Variants in GALNT18 observed in about 807,000 individuals in gnomAD.
The protein encoded by GALNT18 is polypeptide N-acetylgalactosaminyltransferase 18.
In GALNT18, 44 loss-of-function variants were observed where a neutral mutation model predicts 69.5. The observed-to-expected ratio is 0.63, with a 90% CI of 0.50 to 0.81. The LOEUF is 0.81. Among genes scored for constraint, GALNT18 ranks in the 40% least tolerant of loss-of-function variants. The probability of loss-of-function intolerance (pLI) is 0.00; values close to 1 mark genes in which losing one functional copy is unlikely to be tolerated. For missense variants in GALNT18, 715 were observed against 810.0 expected, an observed-to-expected ratio of 0.88 and a Z score of 1.42; for synonymous variants, 364 against 318.2, an observed-to-expected ratio of 1.14 and a Z score of -1.53.
chr11:11,315,937 C>G lies in GALNT18; in HGVS notation c.1512+11149G>C, dbSNP rs1431297757. 6.6e-6 allele frequency among the ~76,000 whole-genome samples: 1 copy of G among 152,002 alleles called. No individual in the cohort carries two copies. The highest frequency in any genetic ancestry group is 2.0e-4 in the East Asian group (1 of 5,116). Reference sequence around the variant, plus strand: ...GCTGAGGGTGGCTGCCGAGAGTGAGCCTCACAGGGCCAGTCCCCGCATCAC... The same window carrying G: ...GCTGAGGGTGGCTGCCGAGAGTGAGGCTCACAGGGCCAGTCCCCGCATCAC... On this transcript the variant is annotated intron_variant, in intron 9 of 10. Transcript: ENST00000227756. This position sits in a 1 kb window ranked among gnomAD's most constrained non-coding sequence, Gnocchi z 5.6.
In GALNT18 at chr11:11,314,192, A is replaced by T. The variant is rs1173442344; in HGVS notation, c.1512+12894T>A. Among the ~76,000 whole-genome samples, 3 of 152,110 alleles carry T rather than the reference A, an allele frequency of 2.0e-5. No homozygotes were observed. The highest frequency in any genetic ancestry group is 7.2e-5 in the African/African-American group (3 of 41,420). On this transcript the variant is annotated intron_variant, in intron 9 of 10. Transcript: ENST00000227756. This position sits in a 1 kb window ranked among gnomAD's most constrained non-coding sequence, Gnocchi z 5.2. ...CAAAGAACGGTGGGTGGAGGGCAAG[A>T]GACTCAGCCCCTCTCTGGTTAGTGA...
At chr11:11,607,918 A>C (rs1451309819) in intron 1 of GALNT18, among the ~76,000 whole-genome samples, 1 of 152,240 alleles carries the variant, frequency 6.6e-6, no homozygotes, top group Non-Finnish European at 1.5e-5. Flanking sequence ...TGCAATGCCA[A>C]GTTTCTACAA....
intron 6 of GALNT18, among the ~76,000 whole-genome samples, chr11:11,346,117 C>T (rs1410475736): frequency 6.6e-6 from 1 of 152,214 alleles, no homozygotes; most frequent in Non-Finnish European, 1.5e-5. Context: ...TAAATTAGAT[C>T]CCCTCTGAAT....
At chr11:11,283,064 G>A (rs564812282) in intron 10 of GALNT18, among the ~76,000 whole-genome samples, 245 of 152,252 alleles carry the variant, frequency 1.6e-3, no homozygotes, top group African/African-American at 5.1e-3. Context: ...TGGCGGAGTC[G>A]TGGGCCCTGA....
chr11:11,466,866 C>G (rs1856165750), intron 1 of GALNT18, among the ~76,000 whole-genome samples: 1 of 152,182 alleles, frequency 6.6e-6, no homozygotes, highest in Non-Finnish European at 1.5e-5. Flanking sequence ...GCTCTTCAAA[C>G]TGCTTCCAAA....
Position 11,377,388 on chromosome 11 carries a change from A to G in GALNT18, c.780-9T>C. ...TGAGTACAGGTTCAGCCCTGGGCAG[A>G]GAGGAGACAGCCAGAGAGGGTAACC... On this transcript the variant is annotated splice_polypyrimidine_tract_variant and intron_variant, in intron 4 of 10. Transcript: ENST00000227756. This position sits in a 1 kb window ranked among gnomAD's most constrained non-coding sequence, Gnocchi z 4.6. 6.2e-7 allele frequency: 1 copy of G among 1,613,292 alleles called. No individual in the cohort carries two copies. Among genetic ancestry groups the G allele is most frequent in the Non-Finnish European group, 8.5e-7 (1 of 1,179,812 alleles).
At chr11:11,293,418 AG>A (rs1849340340) in intron 9 of GALNT18, among the ~76,000 whole-genome samples, 1 of 152,212 alleles carries the variant, frequency 6.6e-6, no homozygotes, top group African/African-American at 2.4e-5. Flanking sequence ...TATAACTACA[AG>A]AAATAAAACA....
intron 2 of GALNT18, among the ~76,000 whole-genome samples, chr11:11,438,547 T>G (rs147912485): frequency 4.2e-4 from 64 of 152,338 alleles, no homozygotes; most frequent in African/African-American, 1.4e-3. Context: ...ATCCCCCATT[T>G]AACAGTTGAG....
At chr11:11,579,697 C>G (rs948654754) in intron 1 of GALNT18, among the ~76,000 whole-genome samples, 2 of 152,230 alleles carry the variant, frequency 1.3e-5, no homozygotes, top group Admixed American at 6.5e-5. Context: ...GATAACCTGT[C>G]TCTTTCTGAA....
intron 1 of GALNT18, among the ~76,000 whole-genome samples, chr11:11,499,452 C>T (rs1856930615): frequency 6.6e-6 from 1 of 151,940 alleles, no homozygotes; most frequent in South Asian, 2.1e-4. Context: ...CACCTGTGGG[C>T]TCAAGACTCC....
chr11:11,339,910 C>T lies in GALNT18; in HGVS notation c.1278+909G>A, dbSNP rs577868808. Among the ~76,000 whole-genome samples the T allele has an allele frequency of 3.9e-5, 6 of 152,114 alleles. No individual in the cohort carries two copies. The highest frequency in any genetic ancestry group is 9.7e-5 in the African/African-American group (4 of 41,414). On this transcript the variant is annotated intron_variant, in intron 7 of 10. Transcript: ENST00000227756. This position sits in a 1 kb window ranked among gnomAD's most constrained non-coding sequence, Gnocchi z 5.2. The stretch of plus-strand genomic sequence containing the variant: ...AGGGCTTTCATATGATCACTTTGAG[C>T]GAAGATCAATCACTTCCCCATTAGA...
At chr11:11,456,275 G>A (rs1417159880) in intron 1 of GALNT18, among the ~76,000 whole-genome samples, 1 of 152,134 alleles carries the variant, frequency 6.6e-6, no homozygotes, top group African/African-American at 2.4e-5. Flanking sequence ...AACTGCAGCT[G>A]GAGACATTAA....
chr11:11,490,224 CTCTCTCTCTA>C (rs1250825709), intron 1 of GALNT18, among the ~76,000 whole-genome samples: 47 of 69,354 alleles, frequency 6.8e-4, no homozygotes, highest in African/African-American at 2.5e-3. Flanking sequence ...CTCTCTCTCT[CTCTCTCTCTA>C]ACACACACAC....
intron 9 of GALNT18, among the ~76,000 whole-genome samples, chr11:11,324,237 T>C (rs930619020): frequency 1.3e-5 from 2 of 152,234 alleles, no homozygotes; most frequent in Non-Finnish European, 2.9e-5. Context: ...AGCAGACTAA[T>C]GCAGGCAATG....
chr11:11,307,481 G>A (rs1849598743), intron 9 of GALNT18, among the ~76,000 whole-genome samples: 1 of 152,170 alleles, frequency 6.6e-6, no homozygotes, highest in Admixed American at 6.5e-5. Context: ...GAATGAAAGA[G>A]AGGTAAATTA....
chr11:11,490,462 T>C (rs941765370), intron 1 of GALNT18, among the ~76,000 whole-genome samples: 2 of 152,132 alleles, frequency 1.3e-5, no homozygotes, highest in African/African-American at 4.8e-5. Flanking sequence ...TGTTAGGAAT[T>C]AAATAAGATA....
At chr11:11,280,811 T>C (rs900914498) in intron 10 of GALNT18, among the ~76,000 whole-genome samples, 1 of 152,134 alleles carries the variant, frequency 6.6e-6, no homozygotes, top group Non-Finnish European at 1.5e-5. Flanking sequence ...TCCTGATGGG[T>C]GTGAAGCACA....
intron 6 of GALNT18, among the ~76,000 whole-genome samples, chr11:11,348,646 T>C (rs530473768): frequency 6.6e-5 from 10 of 152,312 alleles, no homozygotes; most frequent in African/African-American, 2.4e-4. Flanking sequence ...TCATCTCTCA[T>C]GCCATCTAGT....
At chr11:11,279,966 G>A (rs1182474194) in intron 10 of GALNT18, among the ~76,000 whole-genome samples, 1 of 151,904 alleles carries the variant, frequency 6.6e-6, no homozygotes, top group African/African-American at 2.4e-5. Context: ...AAGGAGGCAG[G>A]GACTGAGAAG....
Sources: allele counts gnomAD v4.1 joint callset (sites outside exome capture counted in the v4.1 genomes callset), GRCh38; gene constraint gnomAD v4.1.1; non-coding constraint Gnocchi (gnomAD v3.1); transcripts MANE v1.5; gene names NCBI Gene and HGNC (gene_info 2026-07-23, HGNC 2026-07-21).